The following SARNP variants were observed in gnomAD, a reference collection of about 807,000 sequenced individuals.
The protein encoded by SARNP is SAP domain containing ribonucleoprotein.
In SARNP, 5 loss-of-function variants were observed where a neutral mutation model predicts 38.1. The ratio of observed to expected loss-of-function variants is 0.13; its 90% CI spans 0.07 to 0.28. The LOEUF (loss-of-function observed/expected upper bound fraction) is 0.28. SARNP is among the 10% of genes least tolerant of loss of function. The pLI is 1.00. For synonymous variants in SARNP, 84 were observed against 80.6 expected, an observed-to-expected ratio of 1.04 and a Z score of -0.23; for missense variants, 180 against 243.9, an observed-to-expected ratio of 0.74 and a Z score of 1.75.
intron 6 of SARNP, 85 bp from the exon 7 acceptor site, chr12:55,794,472 C>T: frequency 1.7e-6 from 2 of 1,174,844 alleles, no homozygotes; most frequent in Non-Finnish European, 2.5e-6. Flanking sequence ...ACATATGACA[C>T]TTCTTGCTTG....
chr12:55,785,124 CA>C (rs1384214363), intron 9 of SARNP, among the ~76,000 whole-genome samples: 1 of 150,078 alleles, frequency 6.7e-6, no homozygotes, highest in African/African-American at 2.5e-5. Flanking sequence ...CTGTAATAAT[CA>C]AAAAAATTTT....
intron 9 of SARNP, among the ~76,000 whole-genome samples, chr12:55,771,106 T>TTTTG (rs138906654): frequency 6.2e-4 from 94 of 152,116 alleles, no homozygotes; most frequent in East Asian, 1.4e-3. Context: ...CCTGGCTGTT[T>TTTTG]TTTGTTTGTT....
chr12:55,767,998 G>A (rs1235852572), intron 9 of SARNP, among the ~76,000 whole-genome samples: 3 of 152,076 alleles, frequency 2.0e-5, no homozygotes, highest in Admixed American at 2.0e-4. Flanking sequence ...CAAGGAAAAT[G>A]AGTATATATT....
chr12:55,785,966 C>T (rs1300171360), intron 9 of SARNP, among the ~76,000 whole-genome samples: 1 of 152,020 alleles, frequency 6.6e-6, no homozygotes, highest in Non-Finnish European at 1.5e-5. Flanking sequence ...CTCTTCCCAA[C>T]CAGGTTGCTA....
chr12:55,766,604 G>A (rs1325234762), intron 9 of SARNP, among the ~76,000 whole-genome samples: 1 of 128,678 alleles, frequency 7.8e-6, no homozygotes, highest in African/African-American at 3.1e-5. Context: ...TATATTTTGT[G>A]GGTTTTTTTG....
At chr12:55,813,938 A>T (rs1880407482) in intron 1 of SARNP, among the ~76,000 whole-genome samples, 1 of 152,212 alleles carries the variant, frequency 6.6e-6, no homozygotes, top group Admixed American at 6.5e-5. Flanking sequence ...TTTTCAAATG[A>T]GGATAATACA....
At chr12:55,808,103 A>G (rs528803313) in intron 1 of SARNP, among the ~76,000 whole-genome samples, 3 of 152,292 alleles carry the variant, frequency 2.0e-5, no homozygotes, top group East Asian at 3.9e-4. Flanking sequence ...CAGCTTTTAC[A>G]TAGTTGTATT....
chr12:55,811,040 C>A (rs1880312347), intron 1 of SARNP, among the ~76,000 whole-genome samples: 1 of 151,506 alleles, frequency 6.6e-6, no homozygotes, highest in African/African-American at 2.4e-5. Flanking sequence ...CAAGACCACG[C>A]CACTGCACTC....
chr12:55,806,828 G>A (rs1415588245), intron 1 of SARNP, among the ~76,000 whole-genome samples: 8 of 152,198 alleles, frequency 5.3e-5, no homozygotes, highest in South Asian at 2.1e-4. Flanking sequence ...ATGAGCCACC[G>A]CGCCCGGCCT....
chr12:55,790,095 G>T (rs1879620373), intron 8 of SARNP, among the ~76,000 whole-genome samples: 1 of 150,484 alleles, frequency 6.6e-6, no homozygotes, highest in African/African-American at 2.4e-5. Context: ...TAAATATGCT[G>T]ACTAGTCACA....
chr12:55,805,381 C>T (rs947394390), intron 1 of SARNP, among the ~76,000 whole-genome samples: 1 of 152,170 alleles, frequency 6.6e-6, no homozygotes, highest in African/African-American at 2.4e-5. Context: ...CTGAAAGCAA[C>T]CTCTACTGAG....
intron 9 of SARNP, among the ~76,000 whole-genome samples, chr12:55,774,357 G>C (rs556823963): frequency 2.0e-5 from 3 of 151,874 alleles, no homozygotes. Context: ...GCATGGGTAC[G>C]ATATGCAAAT....
At chr12:55,786,127 A>T (rs1879485794) in intron 9 of SARNP, among the ~76,000 whole-genome samples, 1 of 152,222 alleles carries the variant, frequency 6.6e-6, no homozygotes, top group Non-Finnish European at 1.5e-5. Context: ...AGGGAAGGGA[A>T]GAGAAAGACC....
At chr12:55,776,759 A>C (rs1244156360) in intron 9 of SARNP, among the ~76,000 whole-genome samples, 1 of 152,200 alleles carries the variant, frequency 6.6e-6, no homozygotes, top group Non-Finnish European at 1.5e-5. Flanking sequence ...ATACAACTGG[A>C]TATAATGTAA....
chr12:55,771,110 G>A (rs932149994), intron 9 of SARNP, among the ~76,000 whole-genome samples: 1 of 150,030 alleles, frequency 6.7e-6, no homozygotes, highest in African/African-American at 2.5e-5. Flanking sequence ...GCTGTTTTTT[G>A]TTTGTTTGTT....
At chr12:55,782,358 A>T (rs1215860109) in intron 9 of SARNP, among the ~76,000 whole-genome samples, 1 of 152,156 alleles carries the variant, frequency 6.6e-6, no homozygotes. Context: ...TTGTTTTTTA[A>T]ATACCCATGT....
At chr12:55,776,278 A>T (rs931308662) in intron 9 of SARNP, among the ~76,000 whole-genome samples, 4 of 152,050 alleles carry the variant, frequency 2.6e-5, no homozygotes, top group African/African-American at 9.7e-5. Flanking sequence ...GTCTCTGCAA[A>T]CTAAAATTAG....
At chr12:55,800,356 A>C (rs943136940) in intron 4 of SARNP, among the ~76,000 whole-genome samples, 2 of 152,334 alleles carry the variant, frequency 1.3e-5, no homozygotes, top group Admixed American at 6.5e-5. Context: ...GGTCCTCATT[A>C]CCTATTACAT....
intron 9 of SARNP, among the ~76,000 whole-genome samples, chr12:55,777,965 CATT>C (rs1360546860): frequency 6.6e-6 from 1 of 152,160 alleles, no homozygotes; most frequent in African/African-American, 2.4e-5. Context: ...TAATTGACAT[CATT>C]GATTGGAACC....
Sources: gnomAD v4.1 joint callset for allele counts (sites outside exome capture counted in the v4.1 genomes callset) on GRCh38, gnomAD v4.1.1 for gene constraint, MANE v1.5 for transcripts, NCBI Gene and HGNC (gene_info 2026-07-23, HGNC 2026-07-21) for gene names.